NEK10: variants seen among roughly 807,000 people sequenced by gnomAD.
NEK10 encodes the protein serine/threonine-protein kinase Nek10.
NEK10 carries 122 observed loss-of-function variants against 159.8 expected under a neutral mutation model. That is an observed-to-expected ratio of 0.76 (90% CI 0.66 to 0.89). NEK10 has a LOEUF of 0.89. Ranked by LOEUF, NEK10 falls within the 40% of genes least tolerant of loss-of-function variation. NEK10 has a pLI of 0.00. For missense variants in NEK10, 1,342 were observed against 1,323.1 expected (o/e 1.01, Z -0.22); for synonymous variants, 466 against 457.1 (o/e 1.02, Z -0.25).
In NEK10 at chr3:27,133,502, C is replaced by T. The variant is rs1223539320; in HGVS notation, c.2971-1512G>A. On this transcript the variant is annotated intron_variant, in intron 31 of 35. Coordinates refer to ENST00000691995, the MANE Select transcript of NEK10 (RefSeq NM_001394966.1). ...TTAAAAATATATCTTTGGCTGGGTG[C>T]AGTGGCTTATGCCTTTAATCCCAGC... 1.2e-4 allele frequency among the ~76,000 whole-genome samples: 19 copies of T among 152,174 alleles called. 1 individual carries two copies. Among genetic ancestry groups the T allele is most frequent in the Admixed American group, 1.1e-3 (17 of 15,268 alleles).
chr3:27,137,827 C>T (rs772067405), intron 31 of NEK10, among the ~76,000 whole-genome samples: 1 of 152,206 alleles, frequency 6.6e-6, no homozygotes, highest in Non-Finnish European at 1.5e-5. Flanking sequence ...CAGCCCCAGG[C>T]TTAAAGACTA....
At chr3:27,149,831 T>A (rs1448693147) in intron 30 of NEK10, among the ~76,000 whole-genome samples, 1 of 152,180 alleles carries the variant, frequency 6.6e-6, no homozygotes, top group Non-Finnish European at 1.5e-5. Context: ...GGAAGGCATG[T>A]CAAAAGCCAA....
chr3:27,178,749 A>C (rs1947772682), intron 26 of NEK10, among the ~76,000 whole-genome samples: 1 of 152,206 alleles, frequency 6.6e-6, no homozygotes, highest in Non-Finnish European at 1.5e-5. Context: ...AACCTTGTGG[A>C]CTAGACCATA....
chr3:27,249,837 T>C (rs1955473169), intron 23 of NEK10, among the ~76,000 whole-genome samples: 1 of 152,202 alleles, frequency 6.6e-6, no homozygotes, highest in African/African-American at 2.4e-5. Context: ...AAGGTGATTT[T>C]CTTTTATGGT....
At position 27,141,476 on chromosome 3, in the gene NEK10, A is replaced by G. The variant is rs558823303; in HGVS notation, c.2970+6T>C. Reference sequence around the variant, plus strand: ...TGAAAAGGAAATAAAAAGCTAGAACACTGACCTGTGTGATATAGATTATTT... The same window carrying G: ...TGAAAAGGAAATAAAAAGCTAGAACGCTGACCTGTGTGATATAGATTATTT... On this transcript the variant is annotated splice_donor_region_variant and intron_variant, in intron 31 of 35. Coordinates refer to ENST00000691995, the MANE Select transcript of NEK10 (RefSeq NM_001394966.1). The G allele has an allele frequency of 1.9e-6, 3 of 1,597,036 alleles. No individual in the cohort carries two copies. The highest frequency in any genetic ancestry group is 1.3e-5 in the African/African-American group (1 of 74,622).
chr3:27,123,903 G>C (rs1221920656), intron 32 of NEK10, among the ~76,000 whole-genome samples: 1 of 152,014 alleles, frequency 6.6e-6, no homozygotes, highest in Non-Finnish European at 1.5e-5. Flanking sequence ...CCTGGTGGCT[G>C]ACGTGGAGAC....
At chr3:27,142,520 A>G (rs1943886174) in intron 30 of NEK10, among the ~76,000 whole-genome samples, 1 of 152,144 alleles carries the variant, frequency 6.6e-6, no homozygotes, top group Non-Finnish European at 1.5e-5. Flanking sequence ...AAAAAAAAAA[A>G]AAGATGAAAG....
intron 23 of NEK10, among the ~76,000 whole-genome samples, chr3:27,243,078 G>A (rs1049605190): frequency 1.4e-4 from 22 of 152,040 alleles, no homozygotes; most frequent in Non-Finnish European, 2.8e-4. Flanking sequence ...CCAAAGAGAC[G>A]CTTGAATTTC....
chr3:27,274,543 A>C lies in NEK10; in HGVS notation c.2014+10059T>G, dbSNP rs2041620765. Among the ~76,000 whole-genome samples the C allele has an allele frequency of 5.9e-5, 9 of 152,244 alleles. No homozygotes were observed. The South Asian group carries it at 1.9e-3, about 32-fold the overall frequency. Reference sequence around the variant, plus strand: ...TTCAGTTGGAATAATGGAGCTCTGTACATATAGCTCTAACATTACATAAAA... The same window carrying C: ...TTCAGTTGGAATAATGGAGCTCTGTCCATATAGCTCTAACATTACATAAAA... On this transcript the variant is annotated intron_variant, in intron 22 of 35. Coordinates refer to ENST00000691995, the MANE Select transcript of NEK10 (RefSeq NM_001394966.1).
chr3:27,176,246 G>C (rs1030583564), intron 26 of NEK10, among the ~76,000 whole-genome samples: 5 of 152,164 alleles, frequency 3.3e-5, no homozygotes, highest in African/African-American at 9.7e-5. Context: ...GTTTCACCAA[G>C]CTCCTTGTTT....
intron 30 of NEK10, among the ~76,000 whole-genome samples, chr3:27,160,607 C>T (rs1053248919): frequency 1.3e-5 from 2 of 152,086 alleles, no homozygotes; most frequent in African/African-American, 4.8e-5. Context: ...AAATCTAGCA[C>T]TCACTGATAA....
At chr3:27,157,425 G>A (rs572923358) in intron 30 of NEK10, among the ~76,000 whole-genome samples, 2 of 152,150 alleles carry the variant, frequency 1.3e-5, no homozygotes, top group Non-Finnish European at 2.9e-5. Context: ...AACTTCAGTA[G>A]AAGAAGTAAT....
intron 22 of NEK10, among the ~76,000 whole-genome samples, chr3:27,276,381 G>A (rs1427177419): frequency 6.6e-6 from 1 of 152,002 alleles, no homozygotes; most frequent in Non-Finnish European, 1.5e-5. Context: ...TTTGACCTGA[G>A]TGGCAGAAGG....
At chr3:27,128,431 CA>C (rs1479054284) in intron 32 of NEK10, among the ~76,000 whole-genome samples, 1 of 152,084 alleles carries the variant, frequency 6.6e-6, no homozygotes, top group Admixed American at 6.6e-5. Flanking sequence ...ACAGGGACTG[CA>C]AAACAGGAAT....
At chr3:27,333,162 A>G (rs4499554) in intron 5 of NEK10, among the ~76,000 whole-genome samples, 150,521 of 152,286 alleles carry the variant, frequency 0.99, 74,389 homozygotes, top group East Asian at 1. Flanking sequence ...TGAGCCAAGG[A>G]AGACTACAAT....
intron 23 of NEK10, among the ~76,000 whole-genome samples, chr3:27,236,799 T>A (rs941357242): frequency 3.3e-5 from 5 of 152,130 alleles, no homozygotes; most frequent in Non-Finnish European, 7.4e-5. Flanking sequence ...ACTGATGAGG[T>A]TCTATGTTCA....
intron 28 of NEK10, among the ~76,000 whole-genome samples, chr3:27,172,239 G>A (rs1363410245): frequency 2.0e-5 from 3 of 147,510 alleles, no homozygotes; most frequent in South Asian, 2.1e-4. Context: ...GGAGGCTAAG[G>A]CAGGAGAATC....
At chr3:27,225,842 T>A (rs938680591) in intron 23 of NEK10, among the ~76,000 whole-genome samples, 4 of 90,140 alleles carry the variant, frequency 4.4e-5, no homozygotes, top group African/African-American at 4.2e-4. Context: ...ATGGTTGTGT[T>A]TCAGCTGCAA....
At chr3:27,265,603 T>C (rs2040821016) in intron 22 of NEK10, 1 of 152,204 alleles carries the variant, frequency 6.6e-6, no homozygotes, top group Admixed American at 6.5e-5. Flanking sequence ...ACTTCATGCA[T>C]TTGCATGTCA....
Sources: gnomAD v4.1 joint callset for allele counts (sites outside exome capture counted in the v4.1 genomes callset) on GRCh38, gnomAD v4.1.1 for gene constraint, MANE v1.5 for transcripts, NCBI Gene and HGNC (gene_info 2026-07-23, HGNC 2026-07-21) for gene names.